The following CFAP20DC variants were observed in gnomAD, a reference collection of about 807,000 sequenced individuals.
CFAP20DC encodes the protein protein CFAP20DC.
In CFAP20DC, 84 loss-of-function variants were observed where a neutral mutation model predicts 101.7. The ratio of observed to expected loss-of-function variants is 0.83; its 90% CI spans 0.69 to 0.99. CFAP20DC has a LOEUF of 0.99. Ranked by LOEUF, CFAP20DC falls within the 50% of genes least tolerant of loss-of-function variation. The pLI is 0.00. For missense variants in CFAP20DC, 1,007 were observed against 970.3 expected (o/e 1.04, Z -0.50); for synonymous variants, 359 against 351.2 (o/e 1.02, Z -0.25).
intron 4 of CFAP20DC, among the ~76,000 whole-genome samples, chr3:58,977,305 C>T (rs1215335858): frequency 6.6e-6 from 1 of 152,176 alleles, no homozygotes; most frequent in Non-Finnish European, 1.5e-5. Flanking sequence ...CCCTGCCCAA[C>T]TAAATTACTT....
chr3:58,829,314 C>CA (rs1471907093), intron 14 of CFAP20DC, among the ~76,000 whole-genome samples: 1 of 125,408 alleles, frequency 8.0e-6, no homozygotes, highest in Admixed American at 8.9e-5. Context: ...GGGTGAGACT[C>CA]AGTCTCAAAA....
intron 15 of CFAP20DC, among the ~76,000 whole-genome samples, chr3:58,789,527 G>C (rs374449955): frequency 8.1e-4 from 123 of 152,298 alleles, no homozygotes; most frequent in Middle Eastern, 3.4e-3. Context: ...AAAAGGCTCT[G>C]TGAGGTGAAT....
intron 15 of CFAP20DC, among the ~76,000 whole-genome samples, chr3:58,780,194 C>T (rs1308944302): frequency 6.6e-6 from 1 of 152,078 alleles, no homozygotes; most frequent in Non-Finnish European, 1.5e-5. Context: ...CACCACTAGA[C>T]CAGCCCTACA....
At chr3:58,991,457 TACTTG>T (rs2092934349) in intron 4 of CFAP20DC, among the ~76,000 whole-genome samples, 1 of 152,230 alleles carries the variant, frequency 6.6e-6, no homozygotes, top group Non-Finnish European at 1.5e-5. Context: ...TCAAATAATA[TACTTG>T]ACTTCGATTA....
At chr3:58,820,123 G>T (rs1409951984) in intron 14 of CFAP20DC, among the ~76,000 whole-genome samples, 1 of 151,688 alleles carries the variant, frequency 6.6e-6, no homozygotes, top group African/African-American at 2.4e-5. Flanking sequence ...GAATAAATTA[G>T]GTATTGATGG....
chr3:58,780,510 A>T (rs2071731693), intron 15 of CFAP20DC, among the ~76,000 whole-genome samples: 1 of 151,814 alleles, frequency 6.6e-6, no homozygotes, highest in Non-Finnish European at 1.5e-5. Flanking sequence ...TGAATGAATA[A>T]AAAAAAAGAT....
intron 15 of CFAP20DC, among the ~76,000 whole-genome samples, chr3:58,782,932 G>A (rs375752128): frequency 1.3e-5 from 2 of 151,848 alleles, no homozygotes; most frequent in South Asian, 2.1e-4. Flanking sequence ...ATTCAGCCAC[G>A]TAAGAACCTG....
At chr3:58,824,050 T>C (rs1031638422) in intron 14 of CFAP20DC, among the ~76,000 whole-genome samples, 2 of 152,168 alleles carry the variant, frequency 1.3e-5, no homozygotes, top group Non-Finnish European at 1.5e-5. Context: ...GTACAGATAC[T>C]GTCTCTATTG....
chr3:58,890,340 G>C (rs1207179237), intron 6 of CFAP20DC, among the ~76,000 whole-genome samples: 3 of 142,636 alleles, frequency 2.1e-5, no homozygotes, highest in Non-Finnish European at 3.1e-5. Flanking sequence ...CGGACGGGGC[G>C]GCTGGCCGGG....
intron 15 of CFAP20DC, among the ~76,000 whole-genome samples, chr3:58,786,189 T>C (rs926393316): frequency 1.3e-5 from 2 of 152,196 alleles, no homozygotes; most frequent in Non-Finnish European, 2.9e-5. Context: ...TAACAACTCA[T>C]GGAGGTTGTA....
At chr3:58,855,396 A>G (rs2078681983) in intron 12 of CFAP20DC, among the ~76,000 whole-genome samples, 1 of 152,160 alleles carries the variant, frequency 6.6e-6, no homozygotes, top group African/African-American at 2.4e-5. Context: ...CTGGGACTGT[A>G]AACTAGTTCA....
chr3:58,887,263 GTAAA>G (rs1180372623), intron 6 of CFAP20DC: 2 of 152,092 alleles, frequency 1.3e-5, no homozygotes, highest in Non-Finnish European at 2.9e-5. Context: ...TCTCAAAATA[GTAAA>G]TATTTACCTA....
Position 59,006,379 on chromosome 3 carries a change from C to A in CFAP20DC, c.278+33178G>T, listed in dbSNP as rs2093434182. ...AGACTCACACCATGAACTTTCTTTC[C>A]AAGTACCACTGCAGGAATCTACCAG... On this transcript the variant is annotated intron_variant, in intron 4 of 16. Coordinates refer to ENST00000482387, the MANE Select transcript of CFAP20DC (RefSeq NM_001394063.1). This position sits in a 1 kb window ranked among gnomAD's most constrained non-coding sequence, Gnocchi z 4.3. 6.6e-6 allele frequency among the ~76,000 whole-genome samples: 1 copy of A among 152,192 alleles called. No individual in the cohort carries two copies.
intron 5 of CFAP20DC, among the ~76,000 whole-genome samples, chr3:58,932,284 A>C (rs2107685066): frequency 6.6e-6 from 1 of 152,374 alleles, no homozygotes; most frequent in East Asian, 1.9e-4. Flanking sequence ...GAAAAGACCA[A>C]ATCTACGTTT....
At chr3:58,762,441 G>T (rs1317627425) in intron 15 of CFAP20DC, among the ~76,000 whole-genome samples, 1 of 152,182 alleles carries the variant, frequency 6.6e-6, no homozygotes, top group Non-Finnish European at 1.5e-5. Context: ...CTCTGCACAT[G>T]AGATGGGTTT....
intron 13 of CFAP20DC, among the ~76,000 whole-genome samples, chr3:58,838,634 G>T (rs1182514918): frequency 6.6e-6 from 1 of 152,084 alleles, no homozygotes; most frequent in Non-Finnish European, 1.5e-5. Context: ...TATTTATATA[G>T]AATAACTTTT....
chr3:59,018,226 T>G (rs1234697668), intron 4 of CFAP20DC: 1 of 152,094 alleles, frequency 6.6e-6, no homozygotes, highest in Non-Finnish European at 1.5e-5. Context: ...ACTTGGTTCT[T>G]CCATGTGTTA....
chr3:58,829,788 A>G (rs1212532707), intron 14 of CFAP20DC, among the ~76,000 whole-genome samples: 1 of 152,196 alleles, frequency 6.6e-6, no homozygotes. Flanking sequence ...CACTGTATCC[A>G]GGGCAACCAA....
chr3:58,748,432 A>G (rs1168123127), intron 16 of CFAP20DC, among the ~76,000 whole-genome samples: 4 of 152,122 alleles, frequency 2.6e-5, no homozygotes, highest in African/African-American at 4.8e-5. Flanking sequence ...GTTTCGCTCT[A>G]CTGGAGAGTT....
Sources: gnomAD v4.1 joint callset for allele counts (sites outside exome capture counted in the v4.1 genomes callset) on GRCh38, gnomAD v4.1.1 for gene constraint, Gnocchi (gnomAD v3.1) non-coding constraint, MANE v1.5 for transcripts, NCBI Gene and HGNC (gene_info 2026-07-23, HGNC 2026-07-21) for gene names.